The following MIER1 variants were observed in gnomAD, a reference collection of about 807,000 sequenced individuals.
MIER1 encodes MIER1 transcriptional regulator.
A neutral mutation model predicts 75.7 loss-of-function variants in MIER1; 40 were observed. That is an observed-to-expected ratio of 0.53 (90% confidence interval 0.41 to 0.69). MIER1 has a LOEUF of 0.69. Among genes scored for constraint, MIER1 ranks in the 30% least tolerant of loss-of-function variants. The pLI is 0.00. For synonymous variants in MIER1, 213 were observed against 223.4 expected, an observed-to-expected ratio of 0.95 and a Z score of 0.42; for missense variants, 574 against 680.2, an observed-to-expected ratio of 0.84 and a Z score of 1.74.
chr1:66,974,959 A>G (rs545372522), intron 11 of MIER1, among the ~76,000 whole-genome samples: 38 of 152,318 alleles, frequency 2.5e-4, no homozygotes, highest in African/African-American at 9.1e-4. Context: ...GTTCGAATCT[A>G]TCTAGAAATA....
chr1:66,942,595 A>ATTT (rs887536913), intron 3 of MIER1, among the ~76,000 whole-genome samples: 2 of 148,360 alleles, frequency 1.3e-5, no homozygotes, highest in Admixed American at 6.7e-5. Flanking sequence ...ATTATTGGGA[A>ATTT]TTTTTTTTTT....
chr1:66,937,716 CTTG>C (rs1410241109), intron 2 of MIER1, among the ~76,000 whole-genome samples: 2 of 152,198 alleles, frequency 1.3e-5, no homozygotes, highest in African/African-American at 4.8e-5. Flanking sequence ...GCTAAACTCA[CTTG>C]TTATTTTGAA....
At chr1:66,930,582 C>G (rs1255028322) in intron 2 of MIER1, among the ~76,000 whole-genome samples, 1 of 151,548 alleles carries the variant, frequency 6.6e-6, no homozygotes, top group Non-Finnish European at 1.5e-5. Flanking sequence ...GGGATGGGTC[C>G]GGGGGTAGGA....
chr1:66,932,481 G>A (rs192954497), intron 2 of MIER1, among the ~76,000 whole-genome samples: 11 of 152,278 alleles, frequency 7.2e-5, no homozygotes, highest in Admixed American at 4.6e-4. Context: ...TAAGACAGGT[G>A]AAGAAGTGAA....
intron 2 of MIER1, among the ~76,000 whole-genome samples, chr1:66,932,086 G>T (rs1213560370): frequency 6.6e-6 from 1 of 151,798 alleles, no homozygotes; most frequent in African/African-American, 2.4e-5. Context: ...ATTGCCGAGG[G>T]AACTAAAAAA....
intron 3 of MIER1, among the ~76,000 whole-genome samples, chr1:66,942,758 A>T (rs991503764): frequency 2.0e-5 from 3 of 152,186 alleles, no homozygotes; most frequent in African/African-American, 7.2e-5. Context: ...AAAAAAGCGT[A>T]GTGTGCATGT....
intron 4 of MIER1, among the ~76,000 whole-genome samples, chr1:66,957,596 T>G (rs1660415178): frequency 7.5e-6 from 1 of 132,648 alleles, no homozygotes; most frequent in Non-Finnish European, 1.6e-5. Flanking sequence ...TGTTTTTTTT[T>G]TTTTTTTTTT....
intron 2 of MIER1, chr1:66,930,187 C>G: frequency 2.2e-6 from 3 of 1,354,866 alleles, no homozygotes; most frequent in Non-Finnish European, 2.8e-6. Context: ...TCCCTCCAGT[C>G]CAGCCCAGCC....
chr1:66,935,431 A>G (rs1374897315), intron 2 of MIER1, among the ~76,000 whole-genome samples: 2 of 152,294 alleles, frequency 1.3e-5, no homozygotes, highest in East Asian at 3.9e-4. Flanking sequence ...TCCATCTCAG[A>G]TAAGATAAAT....
intron 11 of MIER1, among the ~76,000 whole-genome samples, chr1:66,973,755 A>T (rs1464616720): frequency 1.3e-5 from 2 of 152,156 alleles, no homozygotes; most frequent in Non-Finnish European, 2.9e-5. Flanking sequence ...AGTCTTGGAG[A>T]TTAAATGTAG....
intron 2 of MIER1, among the ~76,000 whole-genome samples, chr1:66,935,707 C>T (rs914419109): frequency 1.3e-5 from 2 of 152,160 alleles, no homozygotes; most frequent in African/African-American, 4.8e-5. Flanking sequence ...CTATTGTTAA[C>T]AGGTTCTTGT....
At chr1:66,953,805 T>C (rs1659528223) in intron 4 of MIER1, among the ~76,000 whole-genome samples, 1 of 152,042 alleles carries the variant, frequency 6.6e-6, no homozygotes, top group Non-Finnish European at 1.5e-5. Context: ...GGTTCCACCA[T>C]GTTGGCCAGG....
intron 4 of MIER1, among the ~76,000 whole-genome samples, chr1:66,955,097 A>G (rs1012996622): frequency 1.3e-5 from 2 of 152,210 alleles, no homozygotes; most frequent in African/African-American, 4.8e-5. Context: ...CAGACATTCT[A>G]CATTCTTGAT....
At chr1:66,937,962 C>G (rs953681310) in intron 2 of MIER1, among the ~76,000 whole-genome samples, 3 of 152,132 alleles carry the variant, frequency 2.0e-5, no homozygotes, top group Non-Finnish European at 4.4e-5. Flanking sequence ...TCCTAGTTCT[C>G]CACTTGTGCT....
At chr1:66,931,480 A>T (rs1427204771) in intron 2 of MIER1, among the ~76,000 whole-genome samples, 2 of 152,108 alleles carry the variant, frequency 1.3e-5, no homozygotes, top group Non-Finnish European at 2.9e-5. Context: ...CTCTTGTTTG[A>T]ATTGCCATTT....
At chr1:66,945,765 A>G (rs1657483549) in intron 3 of MIER1, among the ~76,000 whole-genome samples, 2 of 152,276 alleles carry the variant, frequency 1.3e-5, no homozygotes, top group East Asian at 1.9e-4. Flanking sequence ...AGGCTGAGGT[A>G]GAAGGATCGC....
At chr1:66,981,584 A>G (rs1448980176) in intron 12 of MIER1, among the ~76,000 whole-genome samples, 195 bp from the exon 13 acceptor site, 5 of 152,150 alleles carry the variant, frequency 3.3e-5, no homozygotes, top group African/African-American at 7.2e-5. Flanking sequence ...GCCGTTATGC[A>G]TTTTTCCTAT....
At chr1:66,945,844 A>G (rs1657506718) in intron 3 of MIER1, among the ~76,000 whole-genome samples, 2 of 152,170 alleles carry the variant, frequency 1.3e-5, no homozygotes, top group Non-Finnish European at 2.9e-5. Context: ...CCCTGTCTCA[A>G]AGAAGAAGAA....
At position 66,970,854 on chromosome 1, in the gene MIER1, A is replaced by G; in HGVS notation, c.819A>G (p.Pro273=). ...TCCTGTGGGACCCTGAGTACTTACC[A>G]GAAGATAAAGTGATTATATTTCTTA... ...DQLLWDPEYL[P]EDKVIIFLKD... Residue 273 remains proline, a synonymous_variant, in exon 9 of 14, where the codon CCA becomes CCG. Transcript: ENST00000401041. 2 of 1,593,866 alleles carry G rather than the reference A, an allele frequency of 1.3e-6. No individual in the cohort carries two copies. The highest frequency in any genetic ancestry group is 1.7e-6 in the Non-Finnish European group (2 of 1,173,454).
Sources: gnomAD v4.1 joint callset for allele counts (sites outside exome capture counted in the v4.1 genomes callset) on GRCh38, gnomAD v4.1.1 for gene constraint, MANE v1.5 for transcripts, NCBI Gene and HGNC (gene_info 2026-07-23, HGNC 2026-07-21) for gene names.